LY75: variants seen among roughly 807,000 people sequenced by gnomAD.
LY75 encodes the protein lymphocyte antigen 75.
In LY75, 185 loss-of-function variants were observed where a neutral mutation model predicts 231.7. That is an observed-to-expected ratio of 0.80 (90% CI 0.71 to 0.90). The LOEUF is 0.90. LY75 is among the 40% of genes least tolerant of loss of function. The probability of loss-of-function intolerance (pLI) is 0.00; values close to 1 mark genes in which losing one functional copy is unlikely to be tolerated. For synonymous variants in LY75, 668 were observed against 689.0 expected, an observed-to-expected ratio of 0.97 and a Z score of 0.48; for missense variants, 1,947 against 2,050.2, an observed-to-expected ratio of 0.95 and a Z score of 0.97.
At position 159,815,470 on chromosome 2, in the gene LY75, C is replaced by T. The variant is rs1683096819; in HGVS notation, c.4484G>A (p.Gly1495Glu). The change falls in exon 31 of 35, where the codon GGA (glycine) becomes GAA (glutamate). Residue 1495 changes from glycine (G) to glutamate (E), a missense_variant. Gly to Glu is a moderately conservative substitution (Grantham distance 98). Transcript: ENST00000263636. ...GTTGCATTTTTCATGTTTCCAAGTTCCTTTTGGATCCAAGAGAACACAATT... is the reference window on the plus strand; with the variant it reads ...GTTGCATTTTTCATGTTTCCAAGTTTCTTTTGGATCCAAGAGAACACAATT... ...PGNCVLLDPK[G>E]TWKHEKCNSV... 1.9e-6 allele frequency: 3 copies of T among 1,613,542 alleles called. No homozygotes were observed. Among genetic ancestry groups the T allele is most frequent in the East Asian group, 4.5e-5 (2 of 44,816 alleles).
At position 159,879,358 on chromosome 2, in the gene LY75, C is replaced by A; in HGVS notation, c.1416G>T (p.Trp472Cys). The A allele has an allele frequency of 3.1e-6, 5 of 1,613,036 alleles. No homozygotes were observed. The highest frequency in any genetic ancestry group is 4.2e-6 in the Non-Finnish European group (5 of 1,179,746). Residue 472 changes from tryptophan (W) to cysteine (C), a missense_variant, in exon 9 of 35, where the codon TGG becomes TGT. Coordinates refer to ENST00000263636, the MANE Select transcript of LY75 (RefSeq NM_002349.4). ...CVSYLGELGQ[W>C]KVQSCEEKLK... ...GTTTCTCCTCACATGATTGGACTTTCCACTGACCTAGCTTTGAAAGGAGAC... is the reference window on the plus strand; with the variant it reads ...GTTTCTCCTCACATGATTGGACTTTACACTGACCTAGCTTTGAAAGGAGAC...
In LY75 at chr2:159,854,378, G is replaced by C; in HGVS notation, c.2577C>G (p.Ile859Met). 1 of 1,434,596 alleles carries C rather than the reference G, an allele frequency of 7.0e-7. No homozygotes were observed. The highest frequency in any genetic ancestry group is 9.2e-7 in the Non-Finnish European group (1 of 1,082,708). 88.9% of individuals were successfully genotyped at this position (1,434,596 alleles called of 1,614,324 possible). A position where few individuals can be genotyped will look rare whatever the true frequency, so the allele number is the denominator to read the frequency against. ...TITSFVGLKA[I>M]KNKIANISGD... is the part of the protein sequence containing the mutation. ...AAATTACATTTGCTATTTTGTTTTT[G>C]ATGGCTTTTAGTCCCACAAAAGATG... is the stretch of plus-strand genomic sequence containing the variant. The change falls in exon 18 of 35, where the codon ATC (isoleucine) becomes ATG (methionine). Residue 859 changes from isoleucine to methionine, a missense_variant. By Grantham distance (10) the Ile-to-Met change is conservative. Coordinates refer to ENST00000263636, the MANE Select transcript of LY75 (RefSeq NM_002349.4).
At chr2:159,854,808 A>T in intron 17 of LY75, 96 bp downstream of exon 17, 1 of 1,519,448 alleles carries the variant, frequency 6.6e-7, no homozygotes, top group Non-Finnish European at 9.0e-7. Context: ...TCACTTGAAG[A>T]TGTATAGAGA....
intron 28 of LY75, among the ~76,000 whole-genome samples, chr2:159,823,249 C>T (rs528234620): frequency 1.3e-5 from 2 of 152,186 alleles, no homozygotes; most frequent in East Asian, 1.9e-4. Context: ...TAGAGAAGAA[C>T]ATTAGTGACC....
chr2:159,810,401 G>A (rs775415840), intron 32 of LY75, 125 bp downstream of exon 32: 27 of 1,285,398 alleles, frequency 2.1e-5, no homozygotes, highest in South Asian at 7.6e-5. Context: ...AGTTTATAGC[G>A]CTATTAGAAA....
intron 13 of LY75, among the ~76,000 whole-genome samples, chr2:159,868,800 G>A (rs1684926487): frequency 6.6e-6 from 1 of 152,086 alleles, no homozygotes; most frequent in African/African-American, 2.4e-5. Context: ...GCTTATGTCA[G>A]CATTTTACTT....
intron 4 of LY75, among the ~76,000 whole-genome samples, chr2:159,889,524 G>A (rs1029450375): frequency 5.9e-5 from 9 of 151,940 alleles, no homozygotes; most frequent in African/African-American, 2.2e-4. Context: ...CACCGCACCT[G>A]GCCAATTCCT....
At chr2:159,854,883 A>G in intron 17 of LY75, 21 bp downstream of exon 17, 1 of 1,613,364 alleles carries the variant, frequency 6.2e-7, no homozygotes, top group Non-Finnish European at 8.5e-7. Flanking sequence ...CTTTGGTTAA[A>G]TTTCAGTTTT....
At chr2:159,878,745 C>CCTCTGGA in intron 9 of LY75, 24 bp from the exon 10 acceptor site, 1 of 1,612,224 alleles carries the variant, frequency 6.2e-7, no homozygotes, top group South Asian at 1.1e-5. Flanking sequence ...AAAATATTGT[C>CCTCTGGA]AAACTCTTTT....
intron 25 of LY75, among the ~76,000 whole-genome samples, chr2:159,836,210 T>A (rs1218705216): frequency 6.6e-6 from 1 of 152,164 alleles, no homozygotes; most frequent in South Asian, 2.1e-4. Flanking sequence ...AAGTTAAGTG[T>A]GACACTTAAC....
intron 31 of LY75, among the ~76,000 whole-genome samples, chr2:159,810,879 G>GA (rs1446382318): frequency 6.6e-6 from 1 of 152,190 alleles, no homozygotes; most frequent in African/African-American, 2.4e-5. Flanking sequence ...CTAGGTGATA[G>GA]AAGTGGAAAG....
At chr2:159,875,806 G>A (rs1021250718) in intron 11 of LY75, 163 bp from the exon 12 acceptor site, 1 of 449,746 alleles carries the variant, frequency 2.2e-6, no homozygotes, top group East Asian at 1.5e-4. Flanking sequence ...AATGACAGGT[G>A]TTTATTATTT....
At chr2:159,903,290 G>C (rs1686135208) in intron 1 of LY75, 1 of 152,260 alleles carries the variant, frequency 6.6e-6, no homozygotes, top group Admixed American at 6.5e-5. Flanking sequence ...GACTGAAGCA[G>C]ATGTCGATGG....
rs552258614 is a variant in LY75, at chr2:159,837,098, CA to C, written c.3508-1454del. Among the ~76,000 whole-genome samples the C allele has an allele frequency of 2.9e-3, 438 of 152,172 alleles. 1 individual carries two copies. Among genetic ancestry groups the C allele is most frequent in the African/African-American group, 9.7e-3 (401 of 41,514 alleles). On this transcript the variant is annotated intron_variant, in intron 25 of 34. Coordinates refer to ENST00000263636, the MANE Select transcript of LY75 (RefSeq NM_002349.4). Reference sequence around the variant, plus strand: ...AGTAGTTTGGAGATTTCCCAAAAAACAAAAATAGAATTACCATTCAACCCAG... The same window carrying C: ...AGTAGTTTGGAGATTTCCCAAAAAACAAAATAGAATTACCATTCAACCCAG...
chr2:159,806,924 T>C (rs12463589), intron 34 of LY75, 49 bp downstream of exon 34: 602,343 of 1,552,842 alleles, frequency 0.39, 123,716 homozygotes, highest in Admixed American at 0.54. Flanking sequence ...GTACATTTAT[T>C]TCCTGACTGT....
At chr2:159,808,420 C>T in intron 33 of LY75, 29 bp downstream of exon 33, 1 of 1,613,326 alleles carries the variant, frequency 6.2e-7, no homozygotes. Flanking sequence ...ACTCTCTTTG[C>T]ACACTACACA....
At chr2:159,828,052 C>T (rs892484604) in intron 28 of LY75, among the ~76,000 whole-genome samples, 8 of 150,668 alleles carry the variant, frequency 5.3e-5, no homozygotes, top group African/African-American at 2.0e-4. Context: ...ATGTGTATAC[C>T]TATGTAACAA....
At chr2:159,856,714 A>G (rs1051662239) in intron 16 of LY75, among the ~76,000 whole-genome samples, 4 of 152,028 alleles carry the variant, frequency 2.6e-5, no homozygotes, top group African/African-American at 4.8e-5. Flanking sequence ...ATGGAGGTGG[A>G]ATTATTTAGA....
At chr2:159,847,787 A>T (rs1305269777) in intron 23 of LY75, among the ~76,000 whole-genome samples, 2 of 152,134 alleles carry the variant, frequency 1.3e-5, no homozygotes, top group African/African-American at 4.8e-5. Flanking sequence ...GCAAGTTGGT[A>T]ATCAGAGCTT....
Sources: allele counts gnomAD v4.1 joint callset (sites outside exome capture counted in the v4.1 genomes callset), GRCh38; gene constraint gnomAD v4.1.1; transcripts MANE v1.5; gene names NCBI Gene and HGNC (gene_info 2026-07-23, HGNC 2026-07-21).